The following CRPPA variants were observed in gnomAD, a reference collection of about 807,000 sequenced individuals.
CRPPA encodes the protein D-ribitol-5-phosphate cytidylyltransferase.
In CRPPA, 43 loss-of-function variants were observed where a neutral mutation model predicts 52.0. The ratio of observed to expected loss-of-function variants is 0.83; its 90% CI spans 0.65 to 1.07. The LOEUF (loss-of-function observed/expected upper bound fraction) is 1.07. CRPPA is among the 50% of genes least tolerant of loss of function. The probability of loss-of-function intolerance (pLI) is 0.00; values close to 1 mark genes in which losing one functional copy is unlikely to be tolerated. For missense variants in CRPPA, 629 were observed against 551.7 expected (o/e 1.14, Z -1.40); for synonymous variants, 250 against 203.5 (o/e 1.23, Z -1.94).
intron 3 of CRPPA, among the ~76,000 whole-genome samples, chr7:16,370,745 G>A (rs1786726777): frequency 1.3e-5 from 2 of 152,110 alleles, no homozygotes; most frequent in South Asian, 4.2e-4. Context: ...AATCATGAAG[G>A]GTTTTGGAGA....
At chr7:16,210,998 A>AAAAGAT (rs1197455554) in intron 9 of CRPPA, among the ~76,000 whole-genome samples, 1 of 152,220 alleles carries the variant, frequency 6.6e-6, no homozygotes, top group Non-Finnish European at 1.5e-5. Flanking sequence ...TAGCACAAAG[A>AAAAGAT]AAAGATAAAT....
chr7:16,130,166 A>T (rs1236811674), intron 9 of CRPPA, among the ~76,000 whole-genome samples: 1 of 152,196 alleles, frequency 6.6e-6, no homozygotes, highest in Non-Finnish European at 1.5e-5. Flanking sequence ...ACATTTTATA[A>T]TTTTTTGTTA....
intron 2 of CRPPA, among the ~76,000 whole-genome samples, chr7:16,405,630 G>A (rs1369897948): frequency 6.6e-6 from 1 of 152,062 alleles, no homozygotes; most frequent in Non-Finnish European, 1.5e-5. Flanking sequence ...ATCTCAAGAT[G>A]ATTTACTTTA....
chr7:16,416,433 A>G (rs1279476986), intron 1 of CRPPA, among the ~76,000 whole-genome samples: 1 of 152,196 alleles, frequency 6.6e-6, no homozygotes, highest in African/African-American at 2.4e-5. Flanking sequence ...AAAACCTAGT[A>G]AACACCATTC....
intron 8 of CRPPA, chr7:16,216,410 G>C (rs1230268589): frequency 5.5e-6 from 2 of 360,992 alleles, no homozygotes; most frequent in Non-Finnish European, 9.9e-6. Context: ...GAGAAAACGA[G>C]GTTGAAAAAC....
chr7:16,268,536 A>T (rs185936015), intron 6 of CRPPA, among the ~76,000 whole-genome samples: 3 of 152,142 alleles, frequency 2.0e-5, no homozygotes, highest in African/African-American at 7.2e-5. Flanking sequence ...TCCCATTATG[A>T]CTTATGAGGA....
At chr7:16,276,300 A>G (rs1784203046) in intron 6 of CRPPA, among the ~76,000 whole-genome samples, 1 of 152,180 alleles carries the variant, frequency 6.6e-6, no homozygotes, top group South Asian at 2.1e-4. Flanking sequence ...TCGAAACTAC[A>G]CAGAAGCATC....
chr7:16,214,304 T>C, intron 9 of CRPPA, among the ~76,000 whole-genome samples: 1 of 152,172 alleles, frequency 6.6e-6, no homozygotes, highest in South Asian at 2.1e-4. Context: ...GTGCAGTGCA[T>C]ACAGACCCTT....
intron 9 of CRPPA, among the ~76,000 whole-genome samples, chr7:16,094,815 A>G (rs940395853): frequency 1.3e-5 from 2 of 152,144 alleles, no homozygotes; most frequent in African/African-American, 2.4e-5. Context: ...TTGGAGGGAC[A>G]TTCTACAATA....
chr7:16,295,161 T>C (rs1450446754), intron 5 of CRPPA, among the ~76,000 whole-genome samples: 6 of 152,104 alleles, frequency 3.9e-5, no homozygotes, highest in Non-Finnish European at 8.8e-5. Context: ...TCTATCGGTA[T>C]AGTTTTTCAG....
chr7:16,188,226 C>T (rs1472522573), intron 9 of CRPPA, among the ~76,000 whole-genome samples: 1 of 151,740 alleles, frequency 6.6e-6, no homozygotes, highest in Admixed American at 6.6e-5. Flanking sequence ...CCTCATGATC[C>T]ACCCACATCG....
chr7:16,285,748 C>A (rs77725873), intron 5 of CRPPA, among the ~76,000 whole-genome samples: 1 of 151,496 alleles, frequency 6.6e-6, no homozygotes, highest in Non-Finnish European at 1.5e-5. Flanking sequence ...GTTGGCCAGG[C>A]GCGGTAGCTC....
intron 9 of CRPPA, among the ~76,000 whole-genome samples, chr7:16,099,717 C>T (rs1334093808): frequency 1.3e-5 from 2 of 152,150 alleles, no homozygotes; most frequent in Non-Finnish European, 2.9e-5. Context: ...TTCATTATTG[C>T]ATCCAATATT....
intron 9 of CRPPA, among the ~76,000 whole-genome samples, chr7:16,124,386 G>A (rs145757688): frequency 1.3e-5 from 2 of 152,042 alleles, no homozygotes; most frequent in East Asian, 3.9e-4. Context: ...TATGCAATGG[G>A]ATACTATTTA....
chr7:16,383,053 A>T (rs1402768794), intron 2 of CRPPA, among the ~76,000 whole-genome samples: 2 of 152,132 alleles, frequency 1.3e-5, no homozygotes, highest in Non-Finnish European at 2.9e-5. Context: ...GTTCCTTTGG[A>T]GGAGGAGAAG....
chr7:16,296,842 A>G (rs1784684752), intron 5 of CRPPA, among the ~76,000 whole-genome samples: 1 of 152,206 alleles, frequency 6.6e-6, no homozygotes, highest in African/African-American at 2.4e-5. Context: ...TGATGCCAGT[A>G]ACAAACACTT....
chr7:16,289,378 C>A (rs572247815), intron 5 of CRPPA, among the ~76,000 whole-genome samples: 2 of 152,080 alleles, frequency 1.3e-5, no homozygotes, highest in East Asian at 3.9e-4. Context: ...ACCCTGATAC[C>A]AAAACCAGAC....
chr7:16,196,704 C>G (rs988128590), intron 9 of CRPPA, among the ~76,000 whole-genome samples: 3 of 152,094 alleles, frequency 2.0e-5, no homozygotes, highest in Non-Finnish European at 4.4e-5. Context: ...CACTCATAGT[C>G]TAAAACAAAA....
intron 3 of CRPPA, among the ~76,000 whole-genome samples, chr7:16,324,527 A>T (rs1316923862): frequency 6.6e-6 from 1 of 152,254 alleles, no homozygotes; most frequent in Non-Finnish European, 1.5e-5. Flanking sequence ...GACTTTGGGC[A>T]CTGGCCTTTG....
Sources: gnomAD v4.1 joint callset for allele counts (sites outside exome capture counted in the v4.1 genomes callset) on GRCh38, gnomAD v4.1.1 for gene constraint, MANE v1.5 for transcripts, NCBI Gene and HGNC (gene_info 2026-07-23, HGNC 2026-07-21) for gene names.